SMAD1: variants seen among roughly 807,000 people sequenced by gnomAD.
SMAD1 encodes the protein MAD, mothers against decapentaplegic homolog 1.
SMAD1 carries 6 observed loss-of-function variants against 41.6 expected under a neutral mutation model. That is an observed-to-expected ratio of 0.14 (90% CI 0.08 to 0.28). The LOEUF is 0.28. SMAD1 is among the 10% of genes least tolerant of loss of function. The pLI, the probability that SMAD1 is intolerant of heterozygous loss-of-function variation, is 1.00. For synonymous variants in SMAD1, 206 were observed against 203.2 expected, an observed-to-expected ratio of 1.01 and a Z score of -0.12; for missense variants, 379 against 582.6, an observed-to-expected ratio of 0.65 and a Z score of 3.60.
intron 1 of SMAD1, among the ~76,000 whole-genome samples, chr4:145,509,810 A>G (rs533096287): frequency 6.6e-6 from 1 of 152,302 alleles, no homozygotes; most frequent in African/African-American, 2.4e-5. Flanking sequence ...TACCAACTTC[A>G]AAAAAACTAG....
intron 6 of SMAD1, among the ~76,000 whole-genome samples, chr4:145,556,496 G>A (rs1053535115): frequency 4.0e-5 from 6 of 151,088 alleles, no homozygotes; most frequent in Admixed American, 6.6e-5. Flanking sequence ...TCGCTCTGTC[G>A]CCCAGGCTGG....
chr4:145,522,293 T>C (rs939313258), intron 2 of SMAD1, among the ~76,000 whole-genome samples: 3 of 149,598 alleles, frequency 2.0e-5, no homozygotes, highest in Non-Finnish European at 3.0e-5. Context: ...AGCAAGACTC[T>C]GTCTCAAAAA....
At chr4:145,536,417 A>G (rs1392475354) in intron 2 of SMAD1, among the ~76,000 whole-genome samples, 1 of 152,202 alleles carries the variant, frequency 6.6e-6, no homozygotes, top group Non-Finnish European at 1.5e-5. Flanking sequence ...GAAATACTCA[A>G]ATAATTGGAA....
At chr4:145,518,659 T>C (rs1730559782) in intron 2 of SMAD1, among the ~76,000 whole-genome samples, 1 of 126,414 alleles carries the variant, frequency 7.9e-6, no homozygotes, top group African/African-American at 2.5e-5. Flanking sequence ...TGAATTATTT[T>C]GAACTTTGTC....
chr4:145,496,114 CTTGT>C (rs1469654042), intron 1 of SMAD1, among the ~76,000 whole-genome samples: 1 of 151,120 alleles, frequency 6.6e-6, no homozygotes, highest in Non-Finnish European at 1.5e-5. Flanking sequence ...TGATAAAACT[CTTGT>C]TTTTTTTTTC....
At position 145,539,942 on chromosome 4, in the gene SMAD1, A is replaced by G. The variant is rs758506902; in HGVS notation, c.539A>G (p.Asn180Ser). The stretch of plus-strand genomic sequence containing the variant: ...TTTCCAGATTCTTTCCAGCAACCCA[A>G]CAGCCACCCGTTTCCTCACTCTCCC... Reference protein sequence around the residue: ...ATFPDSFQQPNSHPFPHSPNS... With the variant: ...ATFPDSFQQPSSHPFPHSPNS... The change falls in exon 3 of 7, where the codon AAC (asparagine) becomes AGC (serine). Residue 180 changes from asparagine (N) to serine (S), a missense_variant. Asn to Ser is a conservative substitution (Grantham distance 46). This residue lies in a region of SMAD1 where 208 missense variants were observed against 210.5 expected (regional missense o/e 0.99). Coordinates refer to ENST00000302085, the MANE Select transcript of SMAD1 (RefSeq NM_005900.3). The G allele has an allele frequency of 1.4e-5, 22 of 1,613,844 alleles. No individual in the cohort carries two copies. Among genetic ancestry groups the G allele is most frequent in the Non-Finnish European group, 1.7e-5 (20 of 1,179,990 alleles).
chr4:145,538,229 G>A (rs1393966559), intron 2 of SMAD1, among the ~76,000 whole-genome samples: 2 of 152,298 alleles, frequency 1.3e-5, no homozygotes, highest in Admixed American at 1.3e-4. Flanking sequence ...ATTTTTATTG[G>A]CATTGGGGAT....
intron 1 of SMAD1, among the ~76,000 whole-genome samples, chr4:145,491,797 A>G (rs947007514): frequency 6.6e-6 from 1 of 152,156 alleles, no homozygotes; most frequent in Non-Finnish European, 1.5e-5. Context: ...GTAGATGATG[A>G]ACCTTGAAGA....
intron 1 of SMAD1, among the ~76,000 whole-genome samples, chr4:145,485,490 C>A (rs534812040): frequency 7.9e-5 from 12 of 152,250 alleles, no homozygotes; most frequent in Admixed American, 6.5e-4. Flanking sequence ...TACTGGACAG[C>A]GTGTATATAG....
intron 2 of SMAD1, among the ~76,000 whole-genome samples, chr4:145,520,666 G>A: frequency 6.6e-6 from 1 of 152,306 alleles, no homozygotes; most frequent in Non-Finnish European, 1.5e-5. Context: ...AACAAGATGG[G>A]ATAAGTTGTC....
chr4:145,500,700 T>C (rs149265798), intron 1 of SMAD1, among the ~76,000 whole-genome samples: 1 of 152,310 alleles, frequency 6.6e-6, no homozygotes, highest in Non-Finnish European at 1.5e-5. Context: ...GTGAATTGAA[T>C]AACTGTAGTG....
In SMAD1 at chr4:145,491,810, C is replaced by T. The variant is rs150436464; in HGVS notation, c.-177+9772C>T. ...GCGTAGATGATGAACCTTGAAGACACCAGTGCTTCCTAGAGCATATTGAAA... is the reference window on the plus strand; with the variant it reads ...GCGTAGATGATGAACCTTGAAGACATCAGTGCTTCCTAGAGCATATTGAAA... On this transcript the variant is annotated intron_variant, in intron 1 of 6. Coordinates refer to ENST00000302085, the MANE Select transcript of SMAD1 (RefSeq NM_005900.3). Among the ~76,000 whole-genome samples the T allele has an allele frequency of 4.6e-3, 704 of 152,242 alleles. 1 individual carries two copies. The highest frequency in any genetic ancestry group is 0.016 in the African/African-American group (676 of 41,530).
In SMAD1 at chr4:145,548,662, T is replaced by C. The variant is rs374791615; in HGVS notation, c.997+1738T>C. Among the ~76,000 whole-genome samples the C allele has an allele frequency of 4.3e-4, 65 of 152,326 alleles. 1 individual carries two copies. The South Asian group carries it at 0.012, about 27-fold the overall frequency. ...TAGAGTCAGTGCTAAAGTTTGAATA[T>C]CATTTTGCAACCATCATAGTAAGGA... On this transcript the variant is annotated intron_variant, in intron 5 of 6. Transcript: ENST00000302085.
At chr4:145,487,116 C>T (rs1331743188) in intron 1 of SMAD1, among the ~76,000 whole-genome samples, 1 of 152,066 alleles carries the variant, frequency 6.6e-6, no homozygotes, top group African/African-American at 2.4e-5. Context: ...AAAAGAAAAG[C>T]CCTATATCTA....
chr4:145,504,064 TG>T (rs1332520024), intron 1 of SMAD1: 1 of 152,248 alleles, frequency 6.6e-6, no homozygotes, highest in Non-Finnish European at 1.5e-5. Flanking sequence ...AGAAGTGTTT[TG>T]GGTCTCAGAA....
chr4:145,541,927 G>A (rs1731968229), intron 3 of SMAD1, among the ~76,000 whole-genome samples: 1 of 152,196 alleles, frequency 6.6e-6, no homozygotes, highest in South Asian at 2.1e-4. Context: ...AATCATGTTT[G>A]CCTCTTATTT....
intron 2 of SMAD1, among the ~76,000 whole-genome samples, chr4:145,527,560 T>C (rs1045646894): frequency 1.3e-5 from 2 of 152,084 alleles, no homozygotes; most frequent in African/African-American, 4.8e-5. Context: ...TGCCGGAAGA[T>C]GGTACCAATG....
chr4:145,492,368 CA>C (rs1430022879), intron 1 of SMAD1, among the ~76,000 whole-genome samples: 1 of 152,148 alleles, frequency 6.6e-6, no homozygotes, highest in Non-Finnish European at 1.5e-5. Context: ...TCTTTGGATT[CA>C]ATTAATTTGC....
At chr4:145,502,157 A>G (rs372481580) in intron 1 of SMAD1, among the ~76,000 whole-genome samples, 10 of 152,216 alleles carry the variant, frequency 6.6e-5, no homozygotes, top group Non-Finnish European at 1.2e-4. Flanking sequence ...GTGGTCTTCA[A>G]TCTTTCCTGT....
Sources: gnomAD v4.1 joint callset for allele counts (sites outside exome capture counted in the v4.1 genomes callset) on GRCh38, gnomAD v4.1.1 for gene constraint, gnomAD v4.1.1 regional missense constraint, MANE v1.5 for transcripts, NCBI Gene and HGNC (gene_info 2026-07-23, HGNC 2026-07-21) for gene names.